Variants in MYH14 observed in about 807,000 individuals in gnomAD.
MYH14 encodes myosin heavy chain 14, also known as myosin-14.
Under a neutral mutation model 255.5 loss-of-function variants are expected in MYH14, and 123 were observed. The ratio of observed to expected loss-of-function variants is 0.48; its 90% CI spans 0.42 to 0.56. The LOEUF is 0.56. MYH14 is among the 20% of genes least tolerant of loss of function. MYH14 has a pLI of 0.00. For synonymous variants in MYH14, 1,095 were observed against 1,161.2 expected, an observed-to-expected ratio of 0.94 and a Z score of 1.16; for missense variants, 2,423 against 2,802.3, an observed-to-expected ratio of 0.86 and a Z score of 3.06.
In MYH14 at chr19:50,257,501, C is replaced by A; in HGVS notation, c.2232+15C>A. 1 of 1,589,174 alleles carries A rather than the reference C, an allele frequency of 6.3e-7. No homozygotes were observed. Among genetic ancestry groups the A allele is most frequent in the South Asian group, 1.1e-5 (1 of 87,248 alleles). Reference sequence around the variant, plus strand: ...ACGAGAAGAGGGTGAGTGACTCAGCCTGGGGAGGAAGGGGTGGCTGTGGCT... The same window carrying A: ...ACGAGAAGAGGGTGAGTGACTCAGCATGGGGAGGAAGGGGTGGCTGTGGCT... On this transcript the variant is annotated intron_variant, in intron 18 of 42. Transcript: ENST00000642316.
rs1175102093 is a variant in MYH14, at chr19:50,266,934, G to C, written c.2752G>C (p.Glu918Gln). The part of the protein sequence containing the change: ...QDEVLQARAQ[E>Q]LQKVQELQQQ... The stretch of plus-strand genomic sequence containing the variant: ...TGAGGTGCTGCAGGCACGGGCCCAG[G>C]AGCTGCAGAAAGTGCAGGAGCTACA... Residue 918 changes from glutamate to glutamine, a missense_variant, in exon 23 of 43, where the codon GAG (glutamate) becomes CAG (glutamine). By Grantham distance (29) the Glu-to-Gln change is conservative. Around this residue, in one of 3 missense-constraint regions of MYH14, gnomAD observed 1,513 missense variants for 1,674.8 expected, o/e 0.90. Coordinates refer to ENST00000642316, the MANE Select transcript of MYH14 (RefSeq NM_001145809.2). The surrounding 1 kb of genome is among the most constrained non-coding windows in gnomAD (Gnocchi z 4.1). The C allele has an allele frequency of 6.4e-6, 10 of 1,554,794 alleles. No individual in the cohort carries two copies. The highest frequency in any genetic ancestry group is 8.7e-6 in the Non-Finnish European group (10 of 1,148,810).
At chr19:50,260,535 C>A in intron 19 of MYH14, 111 bp from the exon 20 acceptor site, 1 of 705,938 alleles carries the variant, frequency 1.4e-6, no homozygotes, top group South Asian at 1.6e-5. Context: ...TTGTTATTGT[C>A]ACTGTTGTTC....
Position 50,278,107 on chromosome 19 carries a change from C to T in MYH14, c.3850C>T (p.Arg1284Trp), listed in dbSNP as rs201515738. ...RRGKGAWEKT[R>W]LALEAEVSEL... Reference sequence around the variant, plus strand: ...GGGCAAAGGTGCATGGGAGAAGACCCGGCTGGCCCTGGAGGCCGAGGTGTC... The same window carrying T: ...GGGCAAAGGTGCATGGGAGAAGACCTGGCTGGCCCTGGAGGCCGAGGTGTC... The change falls in exon 30 of 43, where the codon CGG becomes TGG. Residue 1284 changes from arginine to tryptophan, a missense_variant. Physicochemically the swap from Arg to Trp is moderately radical, Grantham distance 101. Transcript: ENST00000642316. 6.9e-4 allele frequency: 1,104 copies of T among 1,593,158 alleles called. 1 individual carries two copies. The highest frequency in any genetic ancestry group is 8.9e-4 in the Non-Finnish European group (1,033 of 1,165,196).
chr19:50,225,726 T>C lies in MYH14; in HGVS notation c.810+49T>C, dbSNP rs1025826110. ...CTGGCTGTGTCAGGGATACAGGAGC[T>C]GGGAACCTCAGGGTGGGCTTCAGGG... On this transcript the variant is annotated intron_variant, in intron 7 of 42. Transcript: ENST00000642316. 6 of 1,466,552 alleles carry C rather than the reference T, an allele frequency of 4.1e-6. No individual in the cohort carries two copies. In the Admixed American group the frequency reaches 8.8e-5, roughly 21 times the overall value. 90.8% of individuals were successfully genotyped at this position (1,466,552 alleles called of 1,614,324 possible). A position where few individuals can be genotyped will look rare whatever the true frequency, so the allele number is the denominator to read the frequency against.
rs989711774 is a variant in MYH14 at position 50,252,450 on chromosome 19, G to A, written c.1831-189G>A. On this transcript the variant is annotated intron_variant, in intron 15 of 42. Coordinates refer to ENST00000642316, the MANE Select transcript of MYH14 (RefSeq NM_001145809.2). This position sits in a 1 kb window ranked among gnomAD's most constrained non-coding sequence, Gnocchi z 4.2. Reference sequence around the variant, plus strand: ...ACAGAGGTGGCAGGGGGCATAGAGGGGAAGGAGAGAGAGGGGACCATGCTG... The same window carrying A: ...ACAGAGGTGGCAGGGGGCATAGAGGAGAAGGAGAGAGAGGGGACCATGCTG... 1.1e-4 allele frequency among the ~76,000 whole-genome samples: 17 copies of A among 152,078 alleles called. No individual in the cohort carries two copies. Among genetic ancestry groups the A allele is most frequent in the African/African-American group, 3.4e-4 (14 of 41,418 alleles).
rs567996272 is a variant in MYH14, at chr19:50,266,335, T to G, written c.2695-542T>G. Among the ~76,000 whole-genome samples the G allele has an allele frequency of 3.9e-5, 6 of 152,188 alleles. No homozygotes were observed. The highest frequency in any genetic ancestry group is 1.2e-4 in the African/African-American group (5 of 41,514). On this transcript the variant is annotated intron_variant, in intron 22 of 42. Coordinates refer to ENST00000642316, the MANE Select transcript of MYH14 (RefSeq NM_001145809.2). The surrounding 1 kb of genome is among the most constrained non-coding windows in gnomAD (Gnocchi z 4.1). ...CAACACTTTGGGAGGCTGAGGTGGG[T>G]GGATTACTTGAGGCCGGGAGTTGGA... is the stretch of plus-strand genomic sequence containing the variant.
chr19:50,295,956 C>T (rs996615887), intron 39 of MYH14, among the ~76,000 whole-genome samples: 3 of 151,816 alleles, frequency 2.0e-5, no homozygotes, highest in Admixed American at 2.0e-4. Context: ...ACTAAAAATA[C>T]AAAAACTAGC....
At chr19:50,206,801 C>T (rs530928657) in intron 1 of MYH14, among the ~76,000 whole-genome samples, 29 of 151,972 alleles carry the variant, frequency 1.9e-4, no homozygotes, top group Middle Eastern at 3.4e-3. Context: ...GAGGTGGGGA[C>T]GGCAGTTGCA....
At chr19:50,241,805 C>A (rs1297078007) in intron 10 of MYH14, among the ~76,000 whole-genome samples, 1 of 151,982 alleles carries the variant, frequency 6.6e-6, no homozygotes, top group Non-Finnish European at 1.5e-5. Flanking sequence ...ACCATGGCCA[C>A]CTAATTTTTT....
chr19:50,289,604 C>A lies in MYH14; in HGVS notation c.4921C>A (p.Arg1641Ser). 1 of 1,612,492 alleles carries A rather than the reference C, an allele frequency of 6.2e-7. No homozygotes were observed. The highest frequency in any genetic ancestry group is 8.5e-7 in the Non-Finnish European group (1 of 1,179,464). Residue 1641 changes from arginine (R) to serine (S), a missense_variant, in exon 35 of 43, where the codon CGT becomes AGT. Physicochemically the swap from Arg to Ser is moderately radical, Grantham distance 110 (BLOSUM62 -1). Transcript: ENST00000642316. The stretch of plus-strand genomic sequence containing the variant: ...TCAGCATGAGCGTGACCTGCAGGGC[C>A]GTGATGAGGCTGGTGAAGAGAGGCG... ...KTQHERDLQG[R>S]DEAGEERRRQ...
intron 19 of MYH14, among the ~76,000 whole-genome samples, chr19:50,260,011 T>C (rs2034762723): frequency 6.6e-6 from 1 of 152,048 alleles, no homozygotes; most frequent in Non-Finnish European, 1.5e-5. Flanking sequence ...CACCGTCCCT[T>C]AGAAGTAGAA....
At position 50,231,994 on chromosome 19, in the gene MYH14, C is replaced by T. The variant is rs555327826; in HGVS notation, c.1038C>T (p.Pro346=). The change falls in exon 10 of 43, where the codon CCC becomes CCT. Residue 346 remains proline, a synonymous_variant. Transcript: ENST00000642316. ...RFLTNGPSSS[P]GQERELFQET... ...TGACCAACGGGCCGTCATCCTCTCC[C>T]GGCCAGGAGCGGGAACTCTTCCAGG... 47 of 1,613,884 alleles carry T rather than the reference C, an allele frequency of 2.9e-5. No individual in the cohort carries two copies. The highest frequency in any genetic ancestry group is 8.3e-5 in the Admixed American group (5 of 60,032).
intron 10 of MYH14, among the ~76,000 whole-genome samples, chr19:50,241,128 T>G (rs1173437862): frequency 6.6e-6 from 1 of 152,112 alleles, no homozygotes; most frequent in African/African-American, 2.4e-5. Flanking sequence ...CACTGACCTA[T>G]GGCCCCACCA....
At chr19:50,296,247 G>A (rs2036262275) in intron 39 of MYH14, among the ~76,000 whole-genome samples, 1 of 152,100 alleles carries the variant, frequency 6.6e-6, no homozygotes, top group Non-Finnish European at 1.5e-5. Flanking sequence ...CTAGAAACAG[G>A]GAACCCAGTA....
At chr19:50,300,512 G>A (rs2036443539) in intron 39 of MYH14, among the ~76,000 whole-genome samples, 1 of 152,048 alleles carries the variant, frequency 6.6e-6, no homozygotes, top group African/African-American at 2.4e-5. Context: ...ACTTTGGGAG[G>A]CTGAGGTGGG....
At chr19:50,297,330 A>C (rs2036304862) in intron 39 of MYH14, among the ~76,000 whole-genome samples, 1 of 151,792 alleles carries the variant, frequency 6.6e-6, no homozygotes, top group Admixed American at 6.6e-5. Flanking sequence ...TCTGAAATCA[A>C]GGTGTGGGCA....
Position 50,292,352 on chromosome 19 carries a change from T to C in MYH14, c.5219T>C (p.Leu1740Pro). The change falls in exon 37 of 43, where the codon CTC (leucine) becomes CCC (proline). Residue 1740 changes from leucine (L) to proline (P), a missense_variant. This residue lies in a region of MYH14 where 1,513 missense variants were observed against 1,674.8 expected (regional missense o/e 0.90). Transcript: ENST00000642316. The stretch of plus-strand genomic sequence containing the variant: ...CAGAATCGGGAAAGTGAAAAGCGCC[T>C]CAAGGGCCTGGAGGCTGAGGTGCTG... ...FSQNRESEKRLKGLEAEVLRL... is the reference protein window; with the variant it reads ...FSQNRESEKRPKGLEAEVLRL... 6.3e-7 allele frequency: 1 copy of C among 1,591,690 alleles called. No individual in the cohort carries two copies. The highest frequency in any genetic ancestry group is 1.8e-5 in the Admixed American group (1 of 56,412).
At chr19:50,236,126 GT>G (rs1326399113) in intron 10 of MYH14, among the ~76,000 whole-genome samples, 2 of 151,574 alleles carry the variant, frequency 1.3e-5, no homozygotes, top group Non-Finnish European at 2.9e-5. Flanking sequence ...GAGCTCAGGA[GT>G]TTGAGACCAG....
intron 18 of MYH14, chr19:50,258,543 G>A (rs117650234): frequency 0.13 from 20,191 of 151,686 alleles, 1,671 homozygotes; most frequent in East Asian, 0.23. Context: ...GGGCAATGGC[G>A]AAACGCCGTC....
Sources: gnomAD v4.1 joint callset for allele counts (sites outside exome capture counted in the v4.1 genomes callset) on GRCh38, gnomAD v4.1.1 for gene constraint, gnomAD v4.1.1 regional missense constraint, Gnocchi (gnomAD v3.1) non-coding constraint, MANE v1.5 for transcripts, NCBI Gene and HGNC (gene_info 2026-07-23, HGNC 2026-07-21) for gene names.